CAMTA1: variants seen among roughly 807,000 people sequenced by gnomAD.
CAMTA1 encodes calmodulin-binding transcription activator 1.
A neutral mutation model predicts 170.9 loss-of-function variants in CAMTA1; 27 were observed. That is an observed-to-expected ratio of 0.16 (90% CI 0.12 to 0.22). The LOEUF (loss-of-function observed/expected upper bound fraction) is 0.22, where lower values mean the gene tolerates loss of function less well. Ranked by LOEUF, CAMTA1 falls within the 10% of genes least tolerant of loss-of-function variation. The probability of loss-of-function intolerance (pLI) is 1.00; values close to 1 mark genes in which losing one functional copy is unlikely to be tolerated. For synonymous variants in CAMTA1, 833 were observed against 891.5 expected, an observed-to-expected ratio of 0.93 and a Z score of 1.17; for missense variants, 1,619 against 2,217.2, an observed-to-expected ratio of 0.73 and a Z score of 5.42.
At chr1:7,037,648 G>C (rs1417767279) in intron 3 of CAMTA1, among the ~76,000 whole-genome samples, 1 of 152,086 alleles carries the variant, frequency 6.6e-6, no homozygotes, top group Non-Finnish European at 1.5e-5. Flanking sequence ...GACTATCCTG[G>C]CTAACACGGT....
chr1:6,796,062 C>T (rs1461823143), intron 1 of CAMTA1, among the ~76,000 whole-genome samples: 1 of 149,380 alleles, frequency 6.7e-6, no homozygotes, highest in Admixed American at 6.7e-5. Flanking sequence ...AACATATTGA[C>T]ACAATATTTT....
chr1:6,785,783 G>C (rs1639044358), intron 1 of CAMTA1, among the ~76,000 whole-genome samples: 1 of 134,868 alleles, frequency 7.4e-6, no homozygotes, highest in Non-Finnish European at 1.6e-5. Flanking sequence ...CCGGCGGAGC[G>C]CGGCGCCCCA....
intron 3 of CAMTA1, among the ~76,000 whole-genome samples, chr1:6,958,537 C>T (rs1330034713): frequency 1.3e-5 from 2 of 152,222 alleles, no homozygotes; most frequent in African/African-American, 2.4e-5. Context: ...ACCTCCAGCT[C>T]CAGGCCTATT....
intron 4 of CAMTA1, among the ~76,000 whole-genome samples, chr1:7,123,071 C>T (rs1195764491): frequency 6.6e-6 from 1 of 152,144 alleles, no homozygotes; most frequent in Non-Finnish European, 1.5e-5. Flanking sequence ...GGCCATCTTG[C>T]CAGCCAGCAT....
intron 4 of CAMTA1, among the ~76,000 whole-genome samples, chr1:7,205,030 CA>C (rs1657466684): frequency 6.6e-6 from 1 of 151,352 alleles, no homozygotes; most frequent in Non-Finnish European, 1.5e-5. Context: ...GGGGTTTCAC[CA>C]TGTTAGCCAG....
At chr1:6,893,749 C>A (rs993128157) in intron 3 of CAMTA1, among the ~76,000 whole-genome samples, 1 of 152,092 alleles carries the variant, frequency 6.6e-6, no homozygotes, top group Non-Finnish European at 1.5e-5. Flanking sequence ...GCTTTTGTAC[C>A]GTTCTGTATT....
chr1:7,568,268 C>T (rs911106525), intron 6 of CAMTA1, among the ~76,000 whole-genome samples: 2 of 137,686 alleles, frequency 1.5e-5, no homozygotes, highest in African/African-American at 7.0e-5. Flanking sequence ...ATCACCAAAT[C>T]ACCATCATCA....
intron 7 of CAMTA1, among the ~76,000 whole-genome samples, chr1:7,658,727 G>A (rs1024558571): frequency 6.6e-6 from 1 of 152,200 alleles, no homozygotes; most frequent in Non-Finnish European, 1.5e-5. Flanking sequence ...GCAGTAATCT[G>A]TCTTCTGTAT....
chr1:7,424,456 G>A (rs950355758), intron 5 of CAMTA1, among the ~76,000 whole-genome samples: 2 of 151,804 alleles, frequency 1.3e-5, no homozygotes, highest in Non-Finnish European at 2.9e-5. Flanking sequence ...GGATGAGGGG[G>A]GGTGGGGGTG....
At chr1:7,444,756 A>C (rs750428834) in intron 5 of CAMTA1, among the ~76,000 whole-genome samples, 7 of 152,238 alleles carry the variant, frequency 4.6e-5, no homozygotes, top group African/African-American at 7.2e-5. Flanking sequence ...TAAAAGGTGA[A>C]TACCAGTTCA....
intron 5 of CAMTA1, among the ~76,000 whole-genome samples, chr1:7,430,236 ATGG>A (rs2092091705): frequency 6.6e-6 from 1 of 150,716 alleles, no homozygotes; most frequent in Non-Finnish European, 1.5e-5. Flanking sequence ...GATGATGATG[ATGG>A]TGGTGAATCT....
chr1:7,692,433 T>C (rs2096326852), intron 11 of CAMTA1, among the ~76,000 whole-genome samples: 1 of 152,104 alleles, frequency 6.6e-6, no homozygotes, highest in Admixed American at 6.5e-5. Context: ...TAGGTTGTGG[T>C]GCATGGACCC....
At chr1:7,028,754 G>T (rs893385408) in intron 3 of CAMTA1, among the ~76,000 whole-genome samples, 2 of 152,158 alleles carry the variant, frequency 1.3e-5, no homozygotes, top group African/African-American at 4.8e-5. Context: ...TCCTTTGCAC[G>T]TGCTCAGTAA....
At chr1:6,830,633 G>T (rs1425286351) in intron 3 of CAMTA1, among the ~76,000 whole-genome samples, 1 of 152,048 alleles carries the variant, frequency 6.6e-6, no homozygotes, top group African/African-American at 2.4e-5. Flanking sequence ...GTGAGCCACG[G>T]CGCCCAGCTT....
At chr1:7,058,884 T>TAC (rs765267520) in intron 3 of CAMTA1, among the ~76,000 whole-genome samples, 24 of 104,302 alleles carry the variant, frequency 2.3e-4, no homozygotes, top group East Asian at 1.2e-3. Flanking sequence ...CACACACACA[T>TAC]ACACACACAC....
intron 5 of CAMTA1, among the ~76,000 whole-genome samples, chr1:7,329,231 C>A (rs931896358): frequency 1.3e-5 from 2 of 151,974 alleles, no homozygotes; most frequent in Non-Finnish European, 2.9e-5. Flanking sequence ...AATGTAACTT[C>A]TAATTATGTT....
At chr1:7,750,396 T>C (rs2096888218) in intron 19 of CAMTA1, among the ~76,000 whole-genome samples, 1 of 152,254 alleles carries the variant, frequency 6.6e-6, no homozygotes, top group African/African-American at 2.4e-5. Context: ...AAGGGCTTCA[T>C]TGCAACTTCT....
At chr1:7,668,568 C>T (rs367834736) in intron 9 of CAMTA1, among the ~76,000 whole-genome samples, 3 of 152,050 alleles carry the variant, frequency 2.0e-5, no homozygotes, top group African/African-American at 4.8e-5. Flanking sequence ...AACCCTCCTG[C>T]GTCATCTCCC....
intron 3 of CAMTA1, among the ~76,000 whole-genome samples, chr1:6,933,250 A>G (rs971316295): frequency 2.6e-5 from 4 of 152,050 alleles, no homozygotes; most frequent in Admixed American, 2.6e-4. Context: ...AGCTAATGCA[A>G]AGTCACAAAT....
Sources: gnomAD v4.1 joint callset for allele counts (sites outside exome capture counted in the v4.1 genomes callset) on GRCh38, gnomAD v4.1.1 for gene constraint, MANE v1.5 for transcripts, NCBI Gene and HGNC (gene_info 2026-07-23, HGNC 2026-07-21) for gene names.